Variants in MACC1 observed in about 807,000 individuals in gnomAD.
The protein encoded by MACC1 is MET transcriptional regulator MACC1, also known as metastasis-associated in colon cancer protein 1.
Under a neutral mutation model 70.7 loss-of-function variants are expected in MACC1, and 79 were observed. The ratio of observed to expected loss-of-function variants is 1.12; its 90% CI spans 0.93 to 1.35. MACC1 has a LOEUF of 1.35. Among genes scored for constraint, MACC1 ranks in the 40% most tolerant of loss-of-function variants. The probability of loss-of-function intolerance (pLI) is 0.00; values close to 1 mark genes in which losing one functional copy is unlikely to be tolerated. For synonymous variants in MACC1, 361 were observed against 347.2 expected, an observed-to-expected ratio of 1.04 and a Z score of -0.44; for missense variants, 1,106 against 978.1, an observed-to-expected ratio of 1.13 and a Z score of -1.74.
rs1782023607 is a variant in MACC1, at chr7:20,154,317, G to A, written c.2222C>T (p.Thr741Ile). The A allele has an allele frequency of 1.2e-6, 2 of 1,613,832 alleles. No homozygotes were observed. The highest frequency in any genetic ancestry group is 1.3e-5 in the African/African-American group (1 of 74,896). ...GCCTTTTCCAAGCTTGACAGCTGAA[G>A]TCAGAACAGCAGCTTCTTGGATGAG... ...ARLIQEAAVLTSAVKLGKGWR... is the reference protein window; with the variant it reads ...ARLIQEAAVLISAVKLGKGWR... Residue 741 changes from threonine to isoleucine, a missense_variant, in exon 6 of 7, where the codon ACT (threonine) becomes ATT (isoleucine). Thr to Ile is a moderately conservative substitution (Grantham distance 89). Coordinates refer to ENST00000400331, the MANE Select transcript of MACC1 (RefSeq NM_182762.4).
chr7:20,177,416 T>A (rs1373391531), intron 1 of MACC1, among the ~76,000 whole-genome samples: 6 of 152,128 alleles, frequency 3.9e-5, no homozygotes, highest in African/African-American at 1.4e-4. Context: ...TGAAATTGTC[T>A]CAGTCTCTTG....
At chr7:20,215,205 A>G (rs1403232147) in intron 1 of MACC1, among the ~76,000 whole-genome samples, 2 of 151,860 alleles carry the variant, frequency 1.3e-5, no homozygotes, top group African/African-American at 4.8e-5. Context: ...CTGTGGAGTG[A>G]CTCTATGAAC....
chr7:20,200,688 T>C (rs1418092817), intron 1 of MACC1, among the ~76,000 whole-genome samples: 1 of 152,248 alleles, frequency 6.6e-6, no homozygotes, highest in Non-Finnish European at 1.5e-5. Flanking sequence ...TTTTCACTGA[T>C]GCACAGTCAG....
chr7:20,144,877 G>C (rs1323020181), intron 6 of MACC1, among the ~76,000 whole-genome samples: 1 of 152,142 alleles, frequency 6.6e-6, no homozygotes, highest in East Asian at 1.9e-4. Context: ...GGATACAAGA[G>C]AGAAATAGAC....
intron 6 of MACC1, among the ~76,000 whole-genome samples, chr7:20,151,552 G>A (rs1399277998): frequency 6.6e-6 from 1 of 152,100 alleles, no homozygotes; most frequent in African/African-American, 2.4e-5. Context: ...TAGAAAAGTC[G>A]AGTAACATTT....
At chr7:20,185,143 A>T (rs940618939) in intron 1 of MACC1, 2 of 152,200 alleles carry the variant, frequency 1.3e-5, no homozygotes, top group African/African-American at 4.8e-5. Context: ...CTAAGCCTGA[A>T]TTCCTCCCAA....
intron 6 of MACC1, among the ~76,000 whole-genome samples, chr7:20,144,019 A>G (rs1404438612): frequency 6.6e-6 from 1 of 152,202 alleles, no homozygotes; most frequent in Admixed American, 6.5e-5. Flanking sequence ...AGCAAATTAA[A>G]CCTGAATATT....
intron 1 of MACC1, among the ~76,000 whole-genome samples, chr7:20,177,132 T>C (rs1782405823): frequency 6.6e-6 from 1 of 151,966 alleles, no homozygotes; most frequent in Non-Finnish European, 1.5e-5. Context: ...GGGAACTAGA[T>C]GGAAGGTATA....
chr7:20,201,658 G>C (rs1290360139), intron 1 of MACC1, among the ~76,000 whole-genome samples: 1 of 152,180 alleles, frequency 6.6e-6, no homozygotes, highest in Non-Finnish European at 1.5e-5. Context: ...AGTTGAAGCA[G>C]AACTAGAGAC....
At chr7:20,172,988 C>G (rs1298298146) in intron 1 of MACC1, among the ~76,000 whole-genome samples, 3 of 152,172 alleles carry the variant, frequency 2.0e-5, no homozygotes, top group Non-Finnish European at 4.4e-5. Context: ...TTGTCCTGTT[C>G]TTGCTTTCTA....
rs1312173127 is a variant in MACC1, at chr7:20,159,726, A to G, written c.635T>C (p.Val212Ala). Reference protein sequence around the residue: ...PGWAQTQLAEVTIACKVNHQG... With the variant: ...PGWAQTQLAEATIACKVNHQG... ...ATGGTTTACTTTGCAAGCTATGGTGACCTCCGCAAGTTGTGTCTGGGCCCA... is the reference window on the plus strand; with the variant it reads ...ATGGTTTACTTTGCAAGCTATGGTGGCCTCCGCAAGTTGTGTCTGGGCCCA... The change falls in exon 5 of 7, where the codon GTC becomes GCC. Residue 212 changes from valine (V) to alanine (A), a missense_variant. Val to Ala is a moderately conservative substitution (Grantham distance 64). Coordinates refer to ENST00000400331, the MANE Select transcript of MACC1 (RefSeq NM_182762.4). 1 of 1,614,056 alleles carries G rather than the reference A, an allele frequency of 6.2e-7. No homozygotes were observed. The highest frequency in any genetic ancestry group is 1.1e-5 in the South Asian group (1 of 91,078).
intron 6 of MACC1, among the ~76,000 whole-genome samples, chr7:20,151,217 G>T (rs1038917052): frequency 3.3e-5 from 5 of 152,052 alleles, no homozygotes; most frequent in Non-Finnish European, 5.9e-5. Context: ...TCCCTAGAAG[G>T]CTAAGTGAAG....
In MACC1 at chr7:20,186,327, T is replaced by G. The variant is rs76571391; in HGVS notation, c.-217-15549A>C. 7.3e-3 allele frequency among the ~76,000 whole-genome samples: 1,112 copies of G among 152,282 alleles called. 29 individuals carry two copies. Among genetic ancestry groups the G allele is most frequent in the Admixed American group, 0.038 (582 of 15,276 alleles). ...CAACAACATTCTAAATAGGATTGGATACTTTCAACAGAAAAATTGGTCCAA... is the reference window on the plus strand; with the variant it reads ...CAACAACATTCTAAATAGGATTGGAGACTTTCAACAGAAAAATTGGTCCAA... On this transcript the variant is annotated intron_variant, in intron 1 of 6. Coordinates refer to ENST00000400331, the MANE Select transcript of MACC1 (RefSeq NM_182762.4).
intron 1 of MACC1, among the ~76,000 whole-genome samples, chr7:20,177,329 C>T (rs1395244972): frequency 6.6e-6 from 1 of 152,074 alleles, no homozygotes; most frequent in Non-Finnish European, 1.5e-5. Context: ...TTCAAATACA[C>T]TCTATTCTTG....
chr7:20,192,418 A>G (rs910216622), intron 1 of MACC1, among the ~76,000 whole-genome samples: 6 of 152,196 alleles, frequency 3.9e-5, no homozygotes, highest in Non-Finnish European at 5.9e-5. Context: ...ATCTAGAACT[A>G]TTGCCCTAAG....
At chr7:20,189,288 C>G (rs1280118155) in intron 1 of MACC1, among the ~76,000 whole-genome samples, 1 of 152,072 alleles carries the variant, frequency 6.6e-6, no homozygotes, top group Non-Finnish European at 1.5e-5. Context: ...ATTTTATGTC[C>G]TATCTCACCA....
rs10258424 is a variant in MACC1 at position 20,138,552 on chromosome 7, C to A, written c.*2394G>T. 2 of 151,388 alleles carry A rather than the reference C, an allele frequency of 1.3e-5. No individual in the cohort carries two copies. The highest frequency in any genetic ancestry group is 4.9e-5 in the African/African-American group (2 of 40,882). The allele number at this position is 151,388 out of a possible 1,614,324, so 9.4% of individuals were successfully genotyped here. A position where few individuals can be genotyped will look rare whatever the true frequency, so the allele number is the denominator to read the frequency against. On this transcript the variant is annotated 3_prime_UTR_variant, in exon 7 of 7. Coordinates refer to ENST00000400331, the MANE Select transcript of MACC1 (RefSeq NM_182762.4). ...CTGTGTTCTGAAAGTAAAAACTGTG[C>A]TTTTTTTTCCTTCTCTCATAATTTA...
intron 1 of MACC1, among the ~76,000 whole-genome samples, chr7:20,199,441 C>T (rs1477441008): frequency 6.6e-6 from 1 of 152,206 alleles, no homozygotes; most frequent in Non-Finnish European, 1.5e-5. Flanking sequence ...GGCTTCAGTT[C>T]AACCCAGAAG....
intron 6 of MACC1, among the ~76,000 whole-genome samples, chr7:20,141,465 A>G (rs1017889134): frequency 1.3e-5 from 2 of 152,112 alleles, no homozygotes; most frequent in African/African-American, 4.8e-5. Context: ...CAATTTTTTG[A>G]TGGTAACAAA....
Sources: allele counts gnomAD v4.1 joint callset (sites outside exome capture counted in the v4.1 genomes callset), GRCh38; gene constraint gnomAD v4.1.1; transcripts MANE v1.5; gene names NCBI Gene and HGNC (gene_info 2026-07-23, HGNC 2026-07-21).